AP3D1: variants seen among roughly 807,000 people sequenced by gnomAD.
The protein encoded by AP3D1 is adaptor related protein complex 3 subunit delta 1, also known as AP-3 complex subunit delta-1.
AP3D1 carries 51 observed loss-of-function variants against 147.6 expected under a neutral mutation model. The ratio of observed to expected loss-of-function variants is 0.35; its 90% CI spans 0.28 to 0.44. AP3D1 has a LOEUF of 0.44. Among genes scored for constraint, AP3D1 ranks in the 20% least tolerant of loss-of-function variants. The pLI, the probability that AP3D1 is intolerant of heterozygous loss-of-function variation, is 1.00. For missense variants in AP3D1, 1,421 were observed against 1,624.2 expected (o/e 0.87, Z 2.15); for synonymous variants, 760 against 663.0 (o/e 1.15, Z -2.25).
intron 1 of AP3D1, among the ~76,000 whole-genome samples, chr19:2,139,067 A>G (rs1420205254): frequency 7.9e-6 from 1 of 126,088 alleles, no homozygotes; most frequent in Non-Finnish European, 1.6e-5. Flanking sequence ...CTCAAAAAAA[A>G]AAAAAAAAAA....
At chr19:2,125,306 T>C in intron 9 of AP3D1, among the ~76,000 whole-genome samples, 1 of 152,114 alleles carries the variant, frequency 6.6e-6, no homozygotes, top group East Asian at 1.9e-4. Flanking sequence ...GAGTGTTGTT[T>C]TTTTGTTTTG....
At chr19:2,124,543 T>G (rs2018698711) in intron 9 of AP3D1, among the ~76,000 whole-genome samples, 1 of 152,152 alleles carries the variant, frequency 6.6e-6, no homozygotes, top group Non-Finnish European at 1.5e-5. Flanking sequence ...GCCAGTGGCA[T>G]GGAATGAAGG....
chr19:2,159,305 G>T (rs539541050), intron 1 of AP3D1, among the ~76,000 whole-genome samples: 1 of 145,230 alleles, frequency 6.9e-6, no homozygotes, highest in South Asian at 2.2e-4. Flanking sequence ...TACAACCTCC[G>T]CCTCCCAGGT....
chr19:2,124,479 T>C (rs2018697321), intron 9 of AP3D1, among the ~76,000 whole-genome samples: 1 of 152,056 alleles, frequency 6.6e-6, no homozygotes, highest in Non-Finnish European at 1.5e-5. Flanking sequence ...AAGAAAGACA[T>C]GAAGCCAGGG....
chr19:2,126,432 G>T (rs1258648449), intron 9 of AP3D1, among the ~76,000 whole-genome samples: 1 of 152,094 alleles, frequency 6.6e-6, no homozygotes, highest in East Asian at 1.9e-4. Flanking sequence ...GAGGCAGGCG[G>T]ATCAAGAGGT....
chr19:2,122,682 T>A (rs2018644609), intron 11 of AP3D1, among the ~76,000 whole-genome samples: 1 of 152,210 alleles, frequency 6.6e-6, no homozygotes, highest in Admixed American at 6.5e-5. Context: ...AGGTATGTGA[T>A]CGCGGTCTCT....
At chr19:2,116,987 T>C in intron 16 of AP3D1, 2 of 793,464 alleles carry the variant, frequency 2.5e-6, no homozygotes, top group Admixed American at 3.3e-5. Context: ...CTCAGAGCTT[T>C]ATGGCAAGGG....
Position 2,130,410 on chromosome 19 carries a change from G to A in AP3D1, c.590C>T (p.Pro197Leu). 6.2e-7 allele frequency: 1 copy of A among 1,613,912 alleles called. No homozygotes were observed. Among genetic ancestry groups the A allele is most frequent in the Non-Finnish European group, 8.5e-7 (1 of 1,179,994 alleles). ...RLKEKLEDPD[P>L]GVQSAAVNVI... ...AGGCTTAACTCAAATCCACAAACCGGGGTCGGGGTCCTCCAGCTTCTCCTT... is the reference window on the plus strand; with the variant it reads ...AGGCTTAACTCAAATCCACAAACCGAGGTCGGGGTCCTCCAGCTTCTCCTT... Residue 197 changes from proline (P) to leucine (L), a missense_variant and splice_region_variant, in exon 6 of 32, where the codon CCC (proline) becomes CTC (leucine). Pro to Leu is a moderately conservative substitution (Grantham distance 98, BLOSUM62 -3). Coordinates refer to ENST00000643116, the MANE Select transcript of AP3D1 (RefSeq NM_001261826.3).
chr19:2,126,250 C>T (rs182599468), intron 9 of AP3D1, among the ~76,000 whole-genome samples: 7 of 149,300 alleles, frequency 4.7e-5, no homozygotes, highest in Non-Finnish European at 1.0e-4. Context: ...CCCAATGCCC[C>T]GTGAGGCTTT....
intron 29 of AP3D1, 62 bp from the exon 30 acceptor site, chr19:2,109,269 G>C: frequency 1.3e-6 from 2 of 1,509,892 alleles, no homozygotes; most frequent in Admixed American, 2.4e-5. Flanking sequence ...TCCTGGCACA[G>C]AGGCCAACAA....
At chr19:2,138,489 T>C (rs771690137) in intron 2 of AP3D1, 130 bp downstream of exon 2, 2 of 744,418 alleles carry the variant, frequency 2.7e-6, no homozygotes, top group South Asian at 1.5e-5. Context: ...GGGTTGGCCC[T>C]GAGTGGCTCA....
rs752728639 is a variant in AP3D1 at position 2,102,216 on chromosome 19, C to T, written c.3605G>A (p.Ser1202Asn). The change falls in exon 32 of 32, where the codon AGC becomes AAC. Residue 1202 changes from serine (S) to asparagine (N), a missense_variant. Physicochemically the swap from Ser to Asn is conservative, Grantham distance 46 (BLOSUM62 1). Coordinates refer to ENST00000643116, the MANE Select transcript of AP3D1 (RefSeq NM_001261826.3). The stretch of plus-strand genomic sequence containing the variant: ...CGCCTTCATCTCTTCTAACAAGTTG[C>T]TCAGTAGCGTGGAGTCACTGCACTT... Reference protein sequence around the residue: ...DGKCSDSTLLSNLLEEMKATL... With the variant: ...DGKCSDSTLLNNLLEEMKATL... 1 of 1,614,128 alleles carries T rather than the reference C, an allele frequency of 6.2e-7. No homozygotes were observed. Among genetic ancestry groups the T allele is most frequent in the East Asian group, 2.2e-5 (1 of 44,878 alleles).
chr19:2,101,976 AG>A lies in AP3D1; in HGVS notation c.*196del. ...GGACTTCTTGCCAAAGAGAATGGGA[AG>A]AGTCACAGTAAAAAAGGATGGTCAG... On this transcript the variant is annotated 3_prime_UTR_variant, in exon 32 of 32. Coordinates refer to ENST00000643116, the MANE Select transcript of AP3D1 (RefSeq NM_001261826.3). The A allele has an allele frequency of 1.8e-6, 1 of 561,538 alleles. No individual in the cohort carries two copies. The highest frequency in any genetic ancestry group is 3.4e-5 in the Admixed American group (1 of 29,310). The allele number at this position is 561,538 out of a possible 1,614,324, so 34.8% of individuals were successfully genotyped here. A position where few individuals can be genotyped will look rare whatever the true frequency, so the allele number is the denominator to read the frequency against.
intron 1 of AP3D1, among the ~76,000 whole-genome samples, chr19:2,156,655 C>A (rs1191575341): frequency 2.0e-5 from 3 of 152,042 alleles, no homozygotes; most frequent in Non-Finnish European, 1.5e-5. Context: ...TCGAGACCAT[C>A]CTGGCTAACA....
chr19:2,134,080 A>G (rs2019017174), intron 4 of AP3D1, among the ~76,000 whole-genome samples: 1 of 152,026 alleles, frequency 6.6e-6, no homozygotes, highest in South Asian at 2.1e-4. Flanking sequence ...AGATGGCGAC[A>G]GAGTGAGACT....
intron 1 of AP3D1, among the ~76,000 whole-genome samples, chr19:2,160,647 C>T (rs1042279652): frequency 1.3e-5 from 2 of 152,164 alleles, no homozygotes; most frequent in South Asian, 2.1e-4. Context: ...CATTCATCCC[C>T]AAAGTGTGTC....
At chr19:2,149,270 G>A (rs973242256) in intron 1 of AP3D1, among the ~76,000 whole-genome samples, 16 of 152,222 alleles carry the variant, frequency 1.1e-4, no homozygotes, top group African/African-American at 3.1e-4. Flanking sequence ...TCCCAGCCGG[G>A]TGCAGTGGCT....
intron 1 of AP3D1, among the ~76,000 whole-genome samples, chr19:2,147,703 G>A (rs2019397152): frequency 6.6e-6 from 1 of 151,416 alleles, no homozygotes; most frequent in Non-Finnish European, 1.5e-5. Context: ...AGACCATACT[G>A]GCCAACATGG....
rs775648858 is a variant in AP3D1 at position 2,111,848 on chromosome 19, G to A, written c.2788-20C>T. ...AGATTTCTGGAGCAAGAGGAGGGTC[G>A]GGTTCAGTGCCCAGGCTGCTCCAGC... On this transcript the variant is annotated intron_variant, in intron 24 of 31. Transcript: ENST00000643116. The A allele has an allele frequency of 5.0e-5, 81 of 1,612,658 alleles. No homozygotes were observed. The highest frequency in any genetic ancestry group is 5.9e-5 in the Non-Finnish European group (70 of 1,179,936).
Sources: gnomAD v4.1 joint callset for allele counts (sites outside exome capture counted in the v4.1 genomes callset) on GRCh38, gnomAD v4.1.1 for gene constraint, MANE v1.5 for transcripts, NCBI Gene and HGNC (gene_info 2026-07-23, HGNC 2026-07-21) for gene names.